The following RAD51B variants were observed in gnomAD, a reference collection of about 807,000 sequenced individuals.
The protein encoded by RAD51B is RAD51 paralog B.
A neutral mutation model predicts 42.2 loss-of-function variants in RAD51B; 38 were observed. That is an observed-to-expected ratio of 0.90 (90% confidence interval 0.70 to 1.18). The LOEUF is 1.18. Among genes scored for constraint, RAD51B ranks in the 50% most tolerant of loss-of-function variants. The probability of loss-of-function intolerance (pLI) is 0.00; values close to 1 mark genes in which losing one functional copy is unlikely to be tolerated. For synonymous variants in RAD51B, 154 were observed against 145.2 expected, an observed-to-expected ratio of 1.06 and a Z score of -0.43; for missense variants, 373 against 400.7, an observed-to-expected ratio of 0.93 and a Z score of 0.59.
chr14:68,375,430 G>A (rs567144964), intron 8 of RAD51B, among the ~76,000 whole-genome samples: 56 of 152,292 alleles, frequency 3.7e-4, no homozygotes, highest in African/African-American at 7.2e-4. Context: ...GACACCTAGT[G>A]TGTGTTATAT....
intron 10 of RAD51B, chr14:68,468,672 G>A (rs2086046356): frequency 6.1e-6 from 2 of 326,148 alleles, no homozygotes; most frequent in Admixed American, 8.1e-5. Flanking sequence ...GCAGCCTCTG[G>A]GGCACAATGT....
At chr14:67,841,632 A>G (rs1036146255) in intron 4 of RAD51B, among the ~76,000 whole-genome samples, 3 of 152,224 alleles carry the variant, frequency 2.0e-5, no homozygotes, top group Non-Finnish European at 4.4e-5. Context: ...ATTATTCTGC[A>G]TATGGCTAGC....
intron 7 of RAD51B, among the ~76,000 whole-genome samples, chr14:67,943,522 A>G (rs953512637): frequency 6.6e-6 from 1 of 152,094 alleles, no homozygotes; most frequent in Non-Finnish European, 1.5e-5. Context: ...CCATCCATCT[A>G]TCTATTATTC....
intron 8 of RAD51B, among the ~76,000 whole-genome samples, chr14:68,345,024 T>G (rs1218115061): frequency 6.6e-6 from 1 of 152,122 alleles, no homozygotes; most frequent in Non-Finnish European, 1.5e-5. Context: ...TGTAGCCCCT[T>G]TCTTTTGGCC....
chr14:68,391,711 GA>G (rs938391326), intron 8 of RAD51B, among the ~76,000 whole-genome samples: 1 of 151,410 alleles, frequency 6.6e-6, no homozygotes, highest in Non-Finnish European at 1.5e-5. Flanking sequence ...CCTGTATGTG[GA>G]AAAAAAATGC....
chr14:68,156,865 A>C (rs2078522993), intron 7 of RAD51B, among the ~76,000 whole-genome samples: 1 of 152,146 alleles, frequency 6.6e-6, no homozygotes, highest in African/African-American at 2.4e-5. Flanking sequence ...ACCTGGTTCC[A>C]TAGCATCTCT....
At chr14:68,426,563 A>G (rs1407609429) in intron 9 of RAD51B, among the ~76,000 whole-genome samples, 1 of 152,200 alleles carries the variant, frequency 6.6e-6, no homozygotes, top group Non-Finnish European at 1.5e-5. Context: ...ATTTTAAACC[A>G]TGACATCGAA....
intron 7 of RAD51B, among the ~76,000 whole-genome samples, chr14:68,242,833 A>ATCACCCACCTAGTTAGTGGTAGAGCCTC (rs2141005548): frequency 6.6e-6 from 1 of 152,306 alleles, no homozygotes; most frequent in African/African-American, 2.4e-5. Flanking sequence ...CTTACTCAAG[A>ATCACCCACCTAGTTAGTGGTAGAGCCTC]TCACCCACCT....
chr14:67,993,520 G>A (rs1040045727), intron 7 of RAD51B, among the ~76,000 whole-genome samples: 2 of 152,144 alleles, frequency 1.3e-5, no homozygotes, highest in Non-Finnish European at 2.9e-5. Context: ...CAAATGACAG[G>A]ATCTCATTCT....
At chr14:68,238,544 A>G (rs1301128019) in intron 7 of RAD51B, among the ~76,000 whole-genome samples, 1 of 152,094 alleles carries the variant, frequency 6.6e-6, no homozygotes, top group African/African-American at 2.4e-5. Flanking sequence ...CCCTCAAGCA[A>G]TCCCCCTTCC....
At chr14:68,471,214 C>T (rs1371355935) in intron 10 of RAD51B, among the ~76,000 whole-genome samples, 6 of 152,134 alleles carry the variant, frequency 3.9e-5, no homozygotes, top group African/African-American at 1.4e-4. Context: ...AGAAGGGAGG[C>T]CGCCAGCCAC....
Position 68,246,017 on chromosome 14 carries a change from C to T in RAD51B, c.757-45867C>T, listed in dbSNP as rs144743093. On this transcript the variant is annotated intron_variant, in intron 7 of 10. Coordinates refer to ENST00000471583, the MANE Select transcript of RAD51B (RefSeq NM_133510.4). ...AGGGCTGCTGTAAGCCAAGGAGAGA[C>T]AAGGCCCCTCCTTTTAAAAAGCTCT... 6.6e-3 allele frequency among the ~76,000 whole-genome samples: 1,003 copies of T among 152,196 alleles called. 28 individuals are homozygous for T. Among genetic ancestry groups the T allele is most frequent in the Non-Finnish European group, 3.4e-3 (231 of 68,008 alleles).
chr14:67,990,929 A>G (rs2140291998), intron 7 of RAD51B, among the ~76,000 whole-genome samples: 2 of 152,254 alleles, frequency 1.3e-5, no homozygotes, highest in South Asian at 4.1e-4. Context: ...CTTTTTAGAG[A>G]GGGTAGAAGG....
At chr14:68,098,970 G>GA (rs2077243656) in intron 7 of RAD51B, among the ~76,000 whole-genome samples, 1 of 152,104 alleles carries the variant, frequency 6.6e-6, no homozygotes, top group Non-Finnish European at 1.5e-5. Context: ...TCTGTTCTAG[G>GA]GGTTCTGGAG....
intron 7 of RAD51B, among the ~76,000 whole-genome samples, chr14:68,224,457 C>G (rs1275607304): frequency 6.6e-6 from 1 of 152,008 alleles, no homozygotes; most frequent in African/African-American, 2.4e-5. Flanking sequence ...GAGCAGCAGT[C>G]AAAATTTTAC....
intron 7 of RAD51B, among the ~76,000 whole-genome samples, chr14:68,081,709 G>A (rs1472578431): frequency 1.3e-5 from 2 of 152,184 alleles, no homozygotes; most frequent in African/African-American, 4.8e-5. Flanking sequence ...ATGCGACAAG[G>A]GGGAGTGGCT....
chr14:68,085,103 A>G (rs1459973318), intron 7 of RAD51B, among the ~76,000 whole-genome samples: 1 of 152,204 alleles, frequency 6.6e-6, no homozygotes, highest in Non-Finnish European at 1.5e-5. Context: ...TTCTTTTGGA[A>G]TAGGAGCAGA....
intron 7 of RAD51B, among the ~76,000 whole-genome samples, chr14:68,270,780 T>A (rs2081089523): frequency 6.6e-6 from 1 of 152,242 alleles, no homozygotes; most frequent in African/African-American, 2.4e-5. Flanking sequence ...CCTTACCATT[T>A]CCATCTTTTA....
intron 7 of RAD51B, among the ~76,000 whole-genome samples, chr14:68,037,340 C>T: frequency 6.6e-6 from 1 of 150,718 alleles, no homozygotes; most frequent in Non-Finnish European, 1.5e-5. Flanking sequence ...TGTGCCTCAG[C>T]CTCCCGAGTA....
Sources: gnomAD v4.1 joint callset for allele counts (sites outside exome capture counted in the v4.1 genomes callset) on GRCh38, gnomAD v4.1.1 for gene constraint, MANE v1.5 for transcripts, NCBI Gene and HGNC (gene_info 2026-07-23, HGNC 2026-07-21) for gene names.